KDM3B: variants seen among roughly 807,000 people sequenced by gnomAD.
KDM3B encodes lysine demethylase 3B.
Under a neutral mutation model 170.0 loss-of-function variants are expected in KDM3B, and 10 were observed. The ratio of observed to expected loss-of-function variants is 0.06; its 90% CI spans 0.04 to 0.10. KDM3B has a LOEUF of 0.10. KDM3B is among the 10% of genes least tolerant of loss of function. KDM3B has a pLI of 1.00. For missense variants in KDM3B, 1,394 were observed against 2,195.2 expected (o/e 0.64, Z 7.29); for synonymous variants, 831 against 834.8 (o/e 1.00, Z 0.08).
intron 12 of KDM3B, 38 bp downstream of exon 12, chr5:138,415,277 GT>G: frequency 7.1e-7 from 1 of 1,413,684 alleles, no homozygotes; most frequent in Non-Finnish European, 9.9e-7. Context: ...TGGAAGAAAT[GT>G]TTTTAGTTGA....
chr5:138,352,855 T>A lies in KDM3B; in HGVS notation c.60T>A (p.Thr20=). Residue 20 remains threonine, a synonymous_variant, in exon 1 of 24, where the codon ACT becomes ACA. Transcript: ENST00000314358. ...GKRLLLLFAD[T]AASASASAPA... ...GGCTGCTGCTGCTGTTCGCGGACAC[T>A]GCGGCCTCAGCCTCGGCCTCGGCTC... is the stretch of plus-strand genomic sequence containing the variant. 7.3e-7 allele frequency: 1 copy of A among 1,375,894 alleles called. No individual in the cohort carries two copies. Among genetic ancestry groups the A allele is most frequent in the African/African-American group, 1.5e-5 (1 of 65,844 alleles). 85.2% of individuals were successfully genotyped at this position (1,375,894 alleles called of 1,614,324 possible). A position where few individuals can be genotyped will look rare whatever the true frequency, so the allele number is the denominator to read the frequency against.
intron 1 of KDM3B, among the ~76,000 whole-genome samples, chr5:138,358,393 C>G (rs1415251785): frequency 1.4e-5 from 2 of 145,848 alleles, no homozygotes; most frequent in East Asian, 4.3e-4. Flanking sequence ...CAACCTCTCT[C>G]TCCCAGATTC....
chr5:138,366,479 A>G (rs940956567), intron 1 of KDM3B, among the ~76,000 whole-genome samples: 4 of 151,974 alleles, frequency 2.6e-5, no homozygotes, highest in African/African-American at 9.7e-5. Context: ...TTATAGGTGC[A>G]CACCACTATG....
intron 8 of KDM3B, 53 bp downstream of exon 8, chr5:138,392,314 C>G: frequency 7.0e-7 from 1 of 1,434,326 alleles, no homozygotes; most frequent in Non-Finnish European, 9.2e-7. Context: ...GGCTCAAATG[C>G]CTGTCGTGTT....
At position 138,419,148 on chromosome 5, in the gene KDM3B, C is replaced by T; in HGVS notation, c.3631C>T (p.Pro1211Ser). 2 of 1,614,208 alleles carry T rather than the reference C, an allele frequency of 1.2e-6. No homozygotes were observed. Among genetic ancestry groups the T allele is most frequent in the Non-Finnish European group, 8.5e-7 (1 of 1,180,032 alleles). ...TAGTGAACTGAAAGCCATCAGGCCT[C>T]CTTGCCCTGACACGGCCCCACCCTC... is the stretch of plus-strand genomic sequence containing the variant. ...SNSELKAIRP[P>S]CPDTAPPSSA... is the part of the protein sequence containing the mutation. Residue 1211 changes from proline to serine, a missense_variant, in exon 14 of 24, where the codon CCT (proline) becomes TCT (serine). Transcript: ENST00000314358.
At position 138,419,748 on chromosome 5, in the gene KDM3B, C is replaced by T. The variant is rs1363077974; in HGVS notation, c.3715+516C>T. 2.5e-3 allele frequency among the ~76,000 whole-genome samples: 372 copies of T among 148,086 alleles called. 4 individuals are homozygous for T. Among genetic ancestry groups the T allele is most frequent in the Middle Eastern group, 0.011 (3 of 282 alleles). ...ACACATACACACACACACACACACA[C>T]ACACACACACACACACACATATATA... On this transcript the variant is annotated intron_variant, in intron 14 of 23. Coordinates refer to ENST00000314358, the MANE Select transcript of KDM3B (RefSeq NM_016604.4).
chr5:138,354,748 T>C (rs947560095), intron 1 of KDM3B, among the ~76,000 whole-genome samples: 2 of 152,210 alleles, frequency 1.3e-5, no homozygotes, highest in Non-Finnish European at 2.9e-5. Context: ...TTCTTGGAAA[T>C]TAAAGCAAAG....
intron 9 of KDM3B, among the ~76,000 whole-genome samples, chr5:138,397,468 A>C (rs1419794973): frequency 6.6e-6 from 1 of 152,196 alleles, no homozygotes; most frequent in Admixed American, 6.6e-5. Flanking sequence ...TGATGGCACC[A>C]CTGTGCTCCA....
At chr5:138,353,517 A>C (rs939101470) in intron 1 of KDM3B, among the ~76,000 whole-genome samples, 3 of 152,024 alleles carry the variant, frequency 2.0e-5, no homozygotes, top group African/African-American at 4.8e-5. Flanking sequence ...TTACTTCCTC[A>C]TCTGAGCTGG....
chr5:138,377,642 GATAT>G (rs1762030714), intron 3 of KDM3B, 74 bp from the exon 4 acceptor site: 1 of 1,000,392 alleles, frequency 1.0e-6, no homozygotes, highest in Non-Finnish European at 1.6e-6. Flanking sequence ...AGCTCCTTAG[GATAT>G]GATTTTTCTC....
intron 2 of KDM3B, chr5:138,374,435 T>C (rs1761946841): frequency 3.4e-6 from 1 of 292,270 alleles, no homozygotes. Context: ...ATTTTTTGTA[T>C]TTTTAGTAGA....
chr5:138,386,637 G>C lies in KDM3B; in HGVS notation c.1380+16G>C. The C allele has an allele frequency of 6.3e-7, 1 of 1,598,414 alleles. No individual in the cohort carries two copies. Among genetic ancestry groups the C allele is most frequent in the East Asian group, 2.2e-5 (1 of 44,548 alleles). ...CTCGGGAGAGGTGAGTTACTTCAGG[G>C]GCAGATTTGCAAGATTTGGGTTTAC... On this transcript the variant is annotated intron_variant, in intron 7 of 23. Coordinates refer to ENST00000314358, the MANE Select transcript of KDM3B (RefSeq NM_016604.4).
intron 11 of KDM3B, among the ~76,000 whole-genome samples, chr5:138,408,770 G>A (rs2126974835): frequency 6.6e-6 from 1 of 152,266 alleles, no homozygotes; most frequent in Admixed American, 6.5e-5. Flanking sequence ...CACTATATTA[G>A]TAGACTAAAA....
intron 14 of KDM3B, 127 bp from the exon 15 acceptor site, chr5:138,420,579 C>A: frequency 9.9e-7 from 1 of 1,014,422 alleles, no homozygotes; most frequent in Non-Finnish European, 1.5e-6. Context: ...AAACCATACA[C>A]AGTTTGGGGG....
intron 7 of KDM3B, among the ~76,000 whole-genome samples, chr5:138,387,848 A>G (rs185574493): frequency 1.0e-3 from 153 of 151,962 alleles, no homozygotes; most frequent in South Asian, 4.4e-3. Context: ...TTGGGAGGCC[A>G]AGGCGGGCGG....
chr5:138,376,620 C>A (rs556734362), intron 3 of KDM3B, among the ~76,000 whole-genome samples: 5 of 151,082 alleles, frequency 3.3e-5, no homozygotes, highest in African/African-American at 1.2e-4. Context: ...AGGAGAATGG[C>A]GTGAACCTGG....
rs543634700 is a variant in KDM3B, at chr5:138,413,498, G to C, written c.3200-1634G>C. ...GTACCATCACTTTGGAAAGCAAGAAGGTCATTTCTTACAAAGTTATAAAGC... is the reference window on the plus strand; with the variant it reads ...GTACCATCACTTTGGAAAGCAAGAACGTCATTTCTTACAAAGTTATAAAGC... On this transcript the variant is annotated intron_variant, in intron 11 of 23. Coordinates refer to ENST00000314358, the MANE Select transcript of KDM3B (RefSeq NM_016604.4). 2.0e-5 allele frequency among the ~76,000 whole-genome samples: 3 copies of C among 152,176 alleles called. No homozygotes were observed. The East Asian group carries it at 5.8e-4, about 29-fold the overall frequency.
At chr5:138,421,350 T>C (rs915590163) in intron 15 of KDM3B, among the ~76,000 whole-genome samples, 2 of 152,236 alleles carry the variant, frequency 1.3e-5, no homozygotes, top group African/African-American at 4.8e-5. Context: ...ACCATAAGCT[T>C]GCTTCTCCTT....
chr5:138,382,879 G>T (rs1762160427), intron 6 of KDM3B, among the ~76,000 whole-genome samples: 1 of 152,134 alleles, frequency 6.6e-6, no homozygotes, highest in Non-Finnish European at 1.5e-5. Flanking sequence ...CTGCTACTTT[G>T]ATCGTGTATT....
Sources: gnomAD v4.1 joint callset for allele counts (sites outside exome capture counted in the v4.1 genomes callset) on GRCh38, gnomAD v4.1.1 for gene constraint, MANE v1.5 for transcripts, NCBI Gene and HGNC (gene_info 2026-07-23, HGNC 2026-07-21) for gene names.